GPC4: variants seen among roughly 807,000 people sequenced by gnomAD.
GPC4 encodes the protein glypican 4.
In GPC4, 10 loss-of-function variants were observed where a neutral mutation model predicts 35.0. The ratio of observed to expected loss-of-function variants is 0.29; its 90% CI spans 0.18 to 0.48. The LOEUF (loss-of-function observed/expected upper bound fraction) is 0.48, where lower values mean the gene tolerates loss of function less well. Ranked by LOEUF, GPC4 falls within the 20% of genes least tolerant of loss-of-function variation. The pLI, the probability that GPC4 is intolerant of heterozygous loss-of-function variation, is 0.99. For synonymous variants in GPC4, 167 were observed against 170.2 expected (o/e 0.98, Z 0.15); for missense variants, 322 against 451.3 (o/e 0.71, Z 2.60).
rs898626003 is a variant in GPC4 at position 133,320,580 on chromosome X, C to T, written c.711+3565G>A. 5.2e-5 allele frequency among the ~76,000 whole-genome samples: 5 copies of T among 95,294 alleles called. No homozygotes were observed. In the Admixed American group the frequency reaches 6.0e-4, roughly 11 times the overall value. 82.8% of individuals were successfully genotyped at this position (95,294 alleles called of 115,157 possible). A position where few individuals can be genotyped will look rare whatever the true frequency, so the allele number is the denominator to read the frequency against. On this transcript the variant is annotated intron_variant, in intron 3 of 8. Transcript: ENST00000370828. ...TGGAGGTTGCAGTGAGTCGAGATTGCGCCATTGCACTCCAGCCTGGGCAGC... is the reference window on the plus strand; with the variant it reads ...TGGAGGTTGCAGTGAGTCGAGATTGTGCCATTGCACTCCAGCCTGGGCAGC...
intron 1 of GPC4, among the ~76,000 whole-genome samples, chrX:133,411,147 T>C (rs1229665247): frequency 8.9e-6 from 1 of 112,652 alleles, no homozygotes; most frequent in African/African-American, 3.2e-5. Flanking sequence ...TGGAATCCTT[T>C]GTGCATGTAC....
intron 1 of GPC4, among the ~76,000 whole-genome samples, chrX:133,396,370 T>G (rs1269970227): frequency 1.8e-5 from 2 of 111,965 alleles, no homozygotes; most frequent in African/African-American, 6.5e-5. Flanking sequence ...TGGCAAAATG[T>G]AGGATCTAAA....
At chrX:133,311,506 G>T in intron 3 of GPC4, 83 bp from the exon 4 acceptor site, 1 of 905,240 alleles carries the variant, frequency 1.1e-6, no homozygotes, top group Non-Finnish European at 1.6e-6. Context: ...GACACTGAAG[G>T]CTTGGCCATG....
chrX:133,344,817 T>A (rs2068485467), intron 1 of GPC4, among the ~76,000 whole-genome samples: 1 of 111,998 alleles, frequency 8.9e-6, no homozygotes, highest in South Asian at 3.7e-4. Flanking sequence ...CCTGCACCAG[T>A]GGGATTTTTA....
intron 1 of GPC4, among the ~76,000 whole-genome samples, chrX:133,388,549 T>C (rs1000508119): frequency 9.0e-6 from 1 of 111,391 alleles, no homozygotes; most frequent in African/African-American, 3.3e-5. Flanking sequence ...CTTTTTTTTT[T>C]TTTGAAACGG....
At chrX:133,367,400 A>G (rs191779060) in intron 1 of GPC4, among the ~76,000 whole-genome samples, 7 of 112,539 alleles carry the variant, frequency 6.2e-5, no homozygotes, top group Admixed American at 1.9e-4. Flanking sequence ...AGGCTAAGTT[A>G]TGTCTAGGAA....
intron 1 of GPC4, among the ~76,000 whole-genome samples, chrX:133,349,186 C>T (rs1180034621): frequency 1.8e-5 from 2 of 111,964 alleles, no homozygotes; most frequent in African/African-American, 6.5e-5. Context: ...GAGGGCTAGC[C>T]GCCAGCACTT....
intron 1 of GPC4, among the ~76,000 whole-genome samples, chrX:133,413,511 G>T (rs756273399): frequency 1.8e-5 from 2 of 112,218 alleles, no homozygotes; most frequent in East Asian, 5.6e-4. Context: ...GCGCCTGGTT[G>T]AAATTACAGT....
chrX:133,358,000 A>C (rs1439862579), intron 1 of GPC4, among the ~76,000 whole-genome samples: 1 of 111,420 alleles, frequency 9.0e-6, no homozygotes, highest in Non-Finnish European at 1.9e-5. Flanking sequence ...GGAAATATTT[A>C]TTTCTAAAAA....
chrX:133,404,866 A>AAAAAAAAAAAAAAAAAAAAAAAAAAAG (rs753375530), intron 1 of GPC4, among the ~76,000 whole-genome samples: 4 of 89,272 alleles, frequency 4.5e-5, no homozygotes, highest in African/African-American at 2.1e-4. Flanking sequence ...AAAAAAAAAA[A>AAAAAAAAAAAAAAAAAAAAAAAAAAAG]AAGGTGCAGA....
At chrX:133,311,944 G>A (rs764917945) in intron 3 of GPC4, among the ~76,000 whole-genome samples, 17 of 111,792 alleles carry the variant, frequency 1.5e-4, no homozygotes, top group African/African-American at 5.5e-4. Flanking sequence ...AGGTTTAGAA[G>A]GGTACCTACG....
chrX:133,311,893 A>G (rs760091704), intron 3 of GPC4, among the ~76,000 whole-genome samples: 4 of 111,916 alleles, frequency 3.6e-5, no homozygotes, highest in Non-Finnish European at 7.5e-5. Context: ...TCTGCATTAC[A>G]TTGACTACAA....
intron 1 of GPC4, among the ~76,000 whole-genome samples, chrX:133,386,108 G>A (rs962937547): frequency 9.2e-6 from 1 of 108,914 alleles, no homozygotes; most frequent in African/African-American, 3.3e-5. Flanking sequence ...AGTGGTTCAT[G>A]CCTGTAATCT....
At chrX:133,410,167 G>T (rs2068806799) in intron 1 of GPC4, among the ~76,000 whole-genome samples, 2 of 112,043 alleles carry the variant, frequency 1.8e-5, no homozygotes, top group Admixed American at 9.5e-5. Flanking sequence ...TTTGATGATG[G>T]TCTGTTACTA....
At chrX:133,355,561 G>A (rs1054138981) in intron 1 of GPC4, among the ~76,000 whole-genome samples, 6 of 112,021 alleles carry the variant, frequency 5.4e-5, no homozygotes, top group African/African-American at 1.9e-4. Flanking sequence ...ACACTTGGTA[G>A]CCTTGGGACC....
chrX:133,346,197 G>A (rs1339103803), intron 1 of GPC4, among the ~76,000 whole-genome samples: 2 of 111,514 alleles, frequency 1.8e-5, no homozygotes, highest in Non-Finnish European at 1.9e-5. Flanking sequence ...GGAAGGCGGG[G>A]CGGGGCATGG....
At position 133,324,550 on chromosome X, in the gene GPC4, CAAAAAAAAA is replaced by C; in HGVS notation, c.320-23_320-15del. ...CTTTGAAGAATTCTGAAACCAACACCAAAAAAAAAAAAAAAAAAAGGAAAAACGAGAGTT... is the reference window on the plus strand; with the variant it reads ...CTTTGAAGAATTCTGAAACCAACACCAAAAAAAAAAGGAAAAACGAGAGTT... On this transcript the variant is annotated splice_polypyrimidine_tract_variant and intron_variant, in intron 2 of 8. Transcript: ENST00000370828. The C allele has an allele frequency of 2.5e-6, 2 of 811,256 alleles. No individual in the cohort carries two copies. The highest frequency in any genetic ancestry group is 3.1e-6 in the Non-Finnish European group (2 of 646,509). 66.9% of individuals were successfully genotyped at this position (811,256 alleles called of 1,213,427 possible). A position where few individuals can be genotyped will look rare whatever the true frequency, so the allele number is the denominator to read the frequency against.
chrX:133,350,559 CAACAAAA>C (rs1186295820), intron 1 of GPC4, among the ~76,000 whole-genome samples: 1 of 110,828 alleles, frequency 9.0e-6, no homozygotes, highest in African/African-American at 3.3e-5. Flanking sequence ...CAAACAACAA[CAACAAAA>C]AACAAAAAAC....
intron 1 of GPC4, among the ~76,000 whole-genome samples, chrX:133,340,195 G>A (rs191479267): frequency 3.6e-5 from 4 of 110,098 alleles, no homozygotes; most frequent in East Asian, 5.7e-4. Flanking sequence ...AGGGTTGGGC[G>A]GGGGGTTTTT....
Sources: gnomAD v4.1 joint callset for allele counts (sites outside exome capture counted in the v4.1 genomes callset) on GRCh38, gnomAD v4.1.1 for gene constraint, MANE v1.5 for transcripts, NCBI Gene and HGNC (gene_info 2026-07-23, HGNC 2026-07-21) for gene names.